PTPRD: variants seen among roughly 807,000 people sequenced by gnomAD.
PTPRD encodes protein tyrosine phosphatase receptor type D.
PTPRD carries 34 observed loss-of-function variants against 214.5 expected under a neutral mutation model. The ratio of observed to expected loss-of-function variants is 0.16; its 90% confidence interval spans 0.12 to 0.21. PTPRD has a LOEUF of 0.21. Among genes scored for constraint, PTPRD ranks in the 10% least tolerant of loss-of-function variants. The pLI is 1.00. For missense variants in PTPRD, 2,545 were observed against 2,398.7 expected, an observed-to-expected ratio of 1.06 and a Z score of -1.27; for synonymous variants, 1,128 against 845.7, an observed-to-expected ratio of 1.33 and a Z score of -5.79.
intron 11 of PTPRD, among the ~76,000 whole-genome samples, chr9:8,959,073 A>G (rs1404976537): frequency 1.3e-5 from 2 of 152,042 alleles, no homozygotes; most frequent in Admixed American, 1.3e-4. Context: ...AAGCCAAGAC[A>G]TACTTGCTTT....
chr9:9,265,163 A>G (rs1938675192), intron 9 of PTPRD, among the ~76,000 whole-genome samples: 1 of 151,744 alleles, frequency 6.6e-6, no homozygotes, highest in African/African-American at 2.4e-5. Flanking sequence ...TGGCATGTAA[A>G]TCATTTTTAA....
chr9:10,143,110 TC>T (rs2098998091), intron 3 of PTPRD, among the ~76,000 whole-genome samples: 1 of 151,684 alleles, frequency 6.6e-6, no homozygotes, highest in African/African-American at 2.4e-5. Context: ...AACATCACAC[TC>T]TGGGGACTGT....
intron 3 of PTPRD, among the ~76,000 whole-genome samples, chr9:10,151,615 A>G (rs1592511465): frequency 1.3e-5 from 2 of 152,178 alleles, no homozygotes; most frequent in South Asian, 4.2e-4. Context: ...TTACATACAG[A>G]AAGTTTACTA....
chr9:9,453,152 C>G (rs901147504), intron 8 of PTPRD, among the ~76,000 whole-genome samples: 3 of 151,324 alleles, frequency 2.0e-5, no homozygotes, highest in Admixed American at 6.6e-5. Flanking sequence ...CGCCCCCCCA[C>G]ACAATGCATT....
intron 35 of PTPRD, among the ~76,000 whole-genome samples, chr9:8,435,468 C>T (rs950354159): frequency 2.6e-5 from 4 of 152,006 alleles, no homozygotes; most frequent in Admixed American, 6.6e-5. Context: ...ATAGAAACCC[C>T]GATGGTGAAA....
chr9:8,453,715 G>T (rs2096061390), intron 33 of PTPRD, among the ~76,000 whole-genome samples: 2 of 152,144 alleles, frequency 1.3e-5, no homozygotes, highest in South Asian at 4.1e-4. Flanking sequence ...GCATCACCTG[G>T]GAAGGCTTGT....
At chr9:10,536,095 T>C (rs866026388) in intron 2 of PTPRD, among the ~76,000 whole-genome samples, 1 of 152,158 alleles carries the variant, frequency 6.6e-6, no homozygotes, top group Admixed American at 6.6e-5. Context: ...GACTACTGTT[T>C]AGATTCCTGG....
At chr9:8,768,202 C>T (rs2094910182) in intron 11 of PTPRD, among the ~76,000 whole-genome samples, 2 of 152,116 alleles carry the variant, frequency 1.3e-5, no homozygotes, top group Non-Finnish European at 2.9e-5. Context: ...TGAAACCACC[C>T]TGGGCAACAT....
intron 11 of PTPRD, among the ~76,000 whole-genome samples, chr9:8,844,525 A>G (rs894578702): frequency 1.4e-4 from 22 of 152,172 alleles, no homozygotes; most frequent in Admixed American, 1.4e-3. Context: ...ATCACTCAAA[A>G]TGAGGCCAAG....
intron 2 of PTPRD, among the ~76,000 whole-genome samples, chr9:10,450,365 CTTCT>C: frequency 2.0e-5 from 3 of 152,036 alleles, no homozygotes; most frequent in Middle Eastern, 3.4e-3. Flanking sequence ...ACGTGCTTAA[CTTCT>C]TTATCTAATT....
chr9:9,741,883 CTT>C (rs2098407127), intron 6 of PTPRD, among the ~76,000 whole-genome samples: 1 of 152,116 alleles, frequency 6.6e-6, no homozygotes, highest in Non-Finnish European at 1.5e-5. Context: ...GGTTCCAAGT[CTT>C]TGCTATCGTG....
intron 5 of PTPRD, among the ~76,000 whole-genome samples, chr9:9,780,787 T>C (rs908456832): frequency 1.3e-5 from 2 of 152,190 alleles, no homozygotes; most frequent in African/African-American, 4.8e-5. Flanking sequence ...AACTAAAATA[T>C]CCATGAAAAC....
At chr9:8,329,108 C>G in intron 44 of PTPRD, among the ~76,000 whole-genome samples, 1 of 152,046 alleles carries the variant, frequency 6.6e-6, no homozygotes, top group Non-Finnish European at 1.5e-5. Context: ...GGAGAAGAGG[C>G]GTGCTGGTTT....
At chr9:8,917,283 C>T (rs1204132357) in intron 11 of PTPRD, among the ~76,000 whole-genome samples, 1 of 132,138 alleles carries the variant, frequency 7.6e-6, no homozygotes, top group East Asian at 2.2e-4. Context: ...TGCCCACCAC[C>T]AGCCCAGCTA....
intron 2 of PTPRD, among the ~76,000 whole-genome samples, chr9:10,369,342 G>T (rs1315483535): frequency 2.0e-5 from 3 of 152,030 alleles, no homozygotes; most frequent in Non-Finnish European, 4.4e-5. Context: ...GAAATGGCAG[G>T]TGTGCTTCAA....
chr9:10,286,367 A>G (rs912992275), intron 3 of PTPRD, among the ~76,000 whole-genome samples: 2 of 152,176 alleles, frequency 1.3e-5, no homozygotes, highest in African/African-American at 4.8e-5. Context: ...GCTTGAGCCC[A>G]GAAGGCAGAG....
chr9:9,574,592 AT>A (rs1221521165), intron 8 of PTPRD, 139 bp downstream of exon 8: 4 of 152,064 alleles, frequency 2.6e-5, no homozygotes, highest in Non-Finnish European at 5.9e-5. Flanking sequence ...TTGATAGAAA[AT>A]ATCACATAAT....
intron 33 of PTPRD, among the ~76,000 whole-genome samples, chr9:8,450,841 G>C (rs1466727448): frequency 1.3e-5 from 2 of 152,190 alleles, no homozygotes; most frequent in Non-Finnish European, 2.9e-5. Context: ...TTTTCAAACA[G>C]TGCTTTTTTT....
At chr9:10,532,858 T>C (rs980107265) in intron 2 of PTPRD, among the ~76,000 whole-genome samples, 6 of 152,018 alleles carry the variant, frequency 3.9e-5, no homozygotes, top group African/African-American at 1.4e-4. Flanking sequence ...CTCAGTTTTA[T>C]GGCTCCTCAT....
Sources: allele counts gnomAD v4.1 joint callset (sites outside exome capture counted in the v4.1 genomes callset), GRCh38; gene constraint gnomAD v4.1.1; transcripts MANE v1.5; gene names NCBI Gene and HGNC (gene_info 2026-07-23, HGNC 2026-07-21).